The following KCNQ5 variants were observed in gnomAD, a reference collection of about 807,000 sequenced individuals.
KCNQ5 encodes the protein potassium voltage-gated channel subfamily KQT member 5.
KCNQ5 carries 30 observed loss-of-function variants against 98.2 expected under a neutral mutation model. The observed-to-expected ratio is 0.31, with a 90% CI of 0.23 to 0.41. KCNQ5 has a LOEUF of 0.41. Ranked by LOEUF, KCNQ5 falls within the 10% of genes least tolerant of loss-of-function variation. The pLI, the probability that KCNQ5 is intolerant of heterozygous loss-of-function variation, is 1.00. For missense variants in KCNQ5, 835 were observed against 1,182.5 expected, an observed-to-expected ratio of 0.71 and a Z score of 4.31; for synonymous variants, 458 against 449.4, an observed-to-expected ratio of 1.02 and a Z score of -0.24.
rs148350146 is a variant in KCNQ5, at chr6:72,957,252, C to T, written c.399-46656C>T. On this transcript the variant is annotated intron_variant, in intron 1 of 13. Coordinates refer to ENST00000370398, the MANE Select transcript of KCNQ5 (RefSeq NM_019842.4). ...GTGGCACAATCTCAGCTCATTGCAA[C>T]CTCCACCTCCCAGGTTTAAGCAATT... 4.3e-3 allele frequency among the ~76,000 whole-genome samples: 632 copies of T among 148,116 alleles called. 5 individuals are homozygous for T. The highest frequency in any genetic ancestry group is 0.015 in the African/African-American group (605 of 40,676).
intron 9 of KCNQ5, among the ~76,000 whole-genome samples, chr6:73,127,577 A>G (rs1435068111): frequency 6.6e-6 from 1 of 152,238 alleles, no homozygotes; most frequent in East Asian, 1.9e-4. Context: ...TCTTTCTGCA[A>G]CATTGATTAA....
At chr6:72,819,090 A>ATGT (rs1228509886) in intron 1 of KCNQ5, among the ~76,000 whole-genome samples, 2 of 151,876 alleles carry the variant, frequency 1.3e-5, no homozygotes, top group African/African-American at 4.8e-5. Context: ...TAGGGAATTA[A>ATGT]TGTTTGTTTT....
intron 10 of KCNQ5, among the ~76,000 whole-genome samples, chr6:73,147,751 C>T (rs1046572099): frequency 6.6e-6 from 1 of 152,042 alleles, no homozygotes; most frequent in African/African-American, 2.4e-5. Flanking sequence ...ATCAATTAAG[C>T]TTTATTAATA....
In KCNQ5 at chr6:73,141,739, G is replaced by A. The variant is rs114961902; in HGVS notation, c.1468+8098G>A. 3.8e-3 allele frequency among the ~76,000 whole-genome samples: 576 copies of A among 152,250 alleles called. 6 individuals are homozygous for A. Among genetic ancestry groups the A allele is most frequent in the African/African-American group, 0.013 (550 of 41,534 alleles). ...TCCAGGTTTCATTGAGAAACCCAGGGTTATAAACTGGAGCCCTATATTTTG... is the reference window on the plus strand; with the variant it reads ...TCCAGGTTTCATTGAGAAACCCAGGATTATAAACTGGAGCCCTATATTTTG... On this transcript the variant is annotated intron_variant, in intron 10 of 13. Transcript: ENST00000370398.
Position 73,067,227 on chromosome 6 carries a change from A to G in KCNQ5, c.617-10095A>G, listed in dbSNP as rs142641013. 4.7e-3 allele frequency among the ~76,000 whole-genome samples: 716 copies of G among 152,288 alleles called. 18 individuals carry two copies. Among genetic ancestry groups the G allele is most frequent in the Admixed American group, 0.042 (635 of 15,290 alleles). ...AAAGAGAAACACGGGAAAAAAATAT[A>G]TAAGTGCTCTGGAAACAGAAATTAG... is the stretch of plus-strand genomic sequence containing the variant. On this transcript the variant is annotated intron_variant, in intron 3 of 13. Coordinates refer to ENST00000370398, the MANE Select transcript of KCNQ5 (RefSeq NM_019842.4).
At chr6:72,648,250 A>G (rs556226301) in intron 1 of KCNQ5, among the ~76,000 whole-genome samples, 5 of 152,302 alleles carry the variant, frequency 3.3e-5, no homozygotes, top group African/African-American at 1.2e-4. Context: ...ACTTCTTGCC[A>G]TCAAGACCAG....
intron 1 of KCNQ5, chr6:72,678,354 A>T (rs1767523363): frequency 6.6e-6 from 1 of 152,178 alleles, no homozygotes; most frequent in Non-Finnish European, 1.5e-5. Flanking sequence ...CATTTTACAG[A>T]TGGAGAAAAT....
intron 1 of KCNQ5, among the ~76,000 whole-genome samples, chr6:72,832,360 CTG>C (rs979346121): frequency 1.2e-4 from 18 of 152,234 alleles, no homozygotes; most frequent in African/African-American, 4.3e-4. Context: ...TTAGCTGACT[CTG>C]TATACCCTCA....
intron 3 of KCNQ5, among the ~76,000 whole-genome samples, chr6:73,058,783 A>G (rs78213192): frequency 1.8e-3 from 275 of 152,318 alleles, no homozygotes; most frequent in African/African-American, 6.2e-3. Context: ...AAAAGAAGAC[A>G]TACACGTGGC....
chr6:72,891,542 A>T (rs1455997352), intron 1 of KCNQ5, among the ~76,000 whole-genome samples: 2 of 152,190 alleles, frequency 1.3e-5, no homozygotes, highest in African/African-American at 4.8e-5. Context: ...TGACTTAAAG[A>T]AAACACCATA....
At chr6:72,635,034 CTT>C (rs1182687944) in intron 1 of KCNQ5, among the ~76,000 whole-genome samples, 21 of 142,736 alleles carry the variant, frequency 1.5e-4, no homozygotes, top group Admixed American at 2.8e-4. Context: ...TCCCCTCACC[CTT>C]TTTTTTTTTT....
chr6:73,185,124 G>A (rs558398850), intron 11 of KCNQ5, among the ~76,000 whole-genome samples: 2 of 152,276 alleles, frequency 1.3e-5, no homozygotes, highest in African/African-American at 4.8e-5. Context: ...TACTAAGCTA[G>A]AGGTTAACAG....
At position 73,023,683 on chromosome 6, in the gene KCNQ5, C is replaced by T. The variant is rs138219820; in HGVS notation, c.490-18253C>T. ...CCTAACACCTGCATCATTTTCAATG[C>T]TAGCATTTAACTTGTTAGAGTATTA... is the stretch of plus-strand genomic sequence containing the variant. On this transcript the variant is annotated intron_variant, in intron 2 of 13. Transcript: ENST00000370398. Among the ~76,000 whole-genome samples the T allele has an allele frequency of 1.2e-3, 177 of 152,292 alleles. 1 individual carries two copies. Among genetic ancestry groups the T allele is most frequent in the African/African-American group, 4.2e-3 (175 of 41,560 alleles).
rs145336838 is a variant in KCNQ5, at chr6:73,087,294, T to C, written c.918+9407T>C. On this transcript the variant is annotated intron_variant, in intron 5 of 13. Transcript: ENST00000370398. ...AGATCGAATCAACAGGACTTGCTGATAGATTCCGTGGGGGGAGTGAGGGAA... is the reference window on the plus strand; with the variant it reads ...AGATCGAATCAACAGGACTTGCTGACAGATTCCGTGGGGGGAGTGAGGGAA... Among the ~76,000 whole-genome samples the C allele has an allele frequency of 1.4e-3, 207 of 152,270 alleles. 1 individual carries two copies. Among genetic ancestry groups the C allele is most frequent in the Admixed American group, 1.7e-3 (26 of 15,294 alleles).
At chr6:72,634,206 T>G (rs998818714) in intron 1 of KCNQ5, among the ~76,000 whole-genome samples, 4 of 152,220 alleles carry the variant, frequency 2.6e-5, no homozygotes, top group Admixed American at 6.5e-5. Flanking sequence ...GTTGAATAAA[T>G]GAATTATAGT....
Position 72,965,065 on chromosome 6 carries a change from G to A in KCNQ5, c.399-38843G>A, listed in dbSNP as rs564040694. Among the ~76,000 whole-genome samples, 251 of 152,040 alleles carry A rather than the reference G, an allele frequency of 1.7e-3. 1 individual carries two copies. Among genetic ancestry groups the A allele is most frequent in the African/African-American group, 5.8e-3 (242 of 41,444 alleles). The stretch of plus-strand genomic sequence containing the variant: ...TGGTCTCAAGTGATCCTCCCACCTC[G>A]GCCTCGAGTGCTGGGGTTACAGGCA... On this transcript the variant is annotated intron_variant, in intron 1 of 13. Coordinates refer to ENST00000370398, the MANE Select transcript of KCNQ5 (RefSeq NM_019842.4).
At chr6:72,665,564 C>T (rs1206416745) in intron 1 of KCNQ5, among the ~76,000 whole-genome samples, 2 of 152,160 alleles carry the variant, frequency 1.3e-5, no homozygotes, top group Non-Finnish European at 2.9e-5. Flanking sequence ...TTGGCCATTA[C>T]ATAAGAAACA....
chr6:72,874,209 A>G (rs1003567523), intron 1 of KCNQ5, among the ~76,000 whole-genome samples: 2 of 152,114 alleles, frequency 1.3e-5, no homozygotes, highest in Non-Finnish European at 2.9e-5. Flanking sequence ...AAATAAAGGA[A>G]TATCAGGGTT....
At chr6:72,982,569 C>G (rs1768523320) in intron 1 of KCNQ5, among the ~76,000 whole-genome samples, 1 of 134,526 alleles carries the variant, frequency 7.4e-6, no homozygotes, top group Non-Finnish European at 1.5e-5. Context: ...ATGTGTGTCT[C>G]TGCATGTGAG....
Sources: gnomAD v4.1 joint callset for allele counts (sites outside exome capture counted in the v4.1 genomes callset) on GRCh38, gnomAD v4.1.1 for gene constraint, MANE v1.5 for transcripts, NCBI Gene and HGNC (gene_info 2026-07-23, HGNC 2026-07-21) for gene names.